ALK: variants seen among roughly 807,000 people sequenced by gnomAD.
The protein encoded by ALK is ALK receptor tyrosine kinase.
ALK carries 74 observed loss-of-function variants against 163.1 expected under a neutral mutation model. The ratio of observed to expected loss-of-function variants is 0.45; its 90% CI spans 0.38 to 0.55. The LOEUF is 0.55. Among genes scored for constraint, ALK ranks in the 20% least tolerant of loss-of-function variants. The probability of loss-of-function intolerance (pLI) is 0.00; values close to 1 mark genes in which losing one functional copy is unlikely to be tolerated. For synonymous variants in ALK, 960 were observed against 843.2 expected (o/e 1.14, Z -2.40); for missense variants, 2,063 against 2,105.3 (o/e 0.98, Z 0.39).
chr2:29,908,501 T>G (rs908571779), intron 1 of ALK, among the ~76,000 whole-genome samples: 1 of 152,366 alleles, frequency 6.6e-6, no homozygotes, highest in East Asian at 1.9e-4. Flanking sequence ...TACCTCCTTC[T>G]GGAAGTGTTT....
At chr2:29,284,828 G>T (rs374342307) in intron 9 of ALK, among the ~76,000 whole-genome samples, 3 of 152,128 alleles carry the variant, frequency 2.0e-5, no homozygotes, top group Admixed American at 2.0e-4. Flanking sequence ...TCAATGCCTG[G>T]TTGCACATCG....
chr2:29,370,690 A>T (rs1038212825), intron 5 of ALK, among the ~76,000 whole-genome samples: 2 of 152,216 alleles, frequency 1.3e-5, no homozygotes, highest in Admixed American at 6.5e-5. Context: ...TTGGCTGGCC[A>T]TGTGGCTGGC....
chr2:29,264,542 G>A (rs1264159319), intron 11 of ALK, among the ~76,000 whole-genome samples: 1 of 151,382 alleles, frequency 6.6e-6, no homozygotes, highest in Non-Finnish European at 1.5e-5. Flanking sequence ...TAAGAGTAGG[G>A]CTTGTCTGTT....
In ALK at chr2:29,735,690, G is replaced by T. The variant is rs1040552974; in HGVS notation, c.668-17993C>A. Among the ~76,000 whole-genome samples, 2 of 152,038 alleles carry T rather than the reference G, an allele frequency of 1.3e-5. 1 individual carries two copies. The highest frequency in any genetic ancestry group is 4.8e-5 in the African/African-American group (2 of 41,328). ...ATACGGCAGTTACCCCCATGCTGCT[G>T]TTCTCATGATAGCGAGTGAATTCTT... On this transcript the variant is annotated intron_variant, in intron 1 of 28. Transcript: ENST00000389048.
chr2:29,676,556 A>G (rs1677879182), intron 3 of ALK, among the ~76,000 whole-genome samples: 1 of 151,990 alleles, frequency 6.6e-6, no homozygotes, highest in Admixed American at 6.6e-5. Flanking sequence ...TGTCTTCATT[A>G]CTTTGGCTTT....
intron 4 of ALK, among the ~76,000 whole-genome samples, chr2:29,429,453 T>C (rs1171048012): frequency 1.3e-5 from 2 of 151,938 alleles, no homozygotes; most frequent in Non-Finnish European, 2.9e-5. Flanking sequence ...CAATGTACAA[T>C]TCAAAAATGA....
At chr2:29,217,164 GTA>G (rs1201980396) in intron 23 of ALK, among the ~76,000 whole-genome samples, 10 of 150,180 alleles carry the variant, frequency 6.7e-5, no homozygotes, top group East Asian at 4.0e-4. Context: ...TATGTGTTGT[GTA>G]TATGTCTGTG....
At chr2:29,247,182 G>A (rs1347450303) in intron 12 of ALK, among the ~76,000 whole-genome samples, 4 of 151,300 alleles carry the variant, frequency 2.6e-5, no homozygotes, top group African/African-American at 9.8e-5. Flanking sequence ...CCCGGCCTCC[G>A]CGGCAGCGCC....
intron 23 of ALK, among the ~76,000 whole-genome samples, chr2:29,219,224 TC>T (rs2148164835): frequency 6.6e-6 from 1 of 152,282 alleles, no homozygotes; most frequent in Non-Finnish European, 1.5e-5. Context: ...AGTCTTTATC[TC>T]CCTGCTCCCT....
At chr2:29,444,826 C>G (rs1422090918) in intron 4 of ALK, among the ~76,000 whole-genome samples, 1 of 152,178 alleles carries the variant, frequency 6.6e-6, no homozygotes, top group African/African-American at 2.4e-5. Context: ...CTGGAAGTCT[C>G]CTCTGCATCC....
intron 23 of ALK, among the ~76,000 whole-genome samples, chr2:29,216,612 C>T (rs924421075): frequency 3.3e-5 from 5 of 151,688 alleles, no homozygotes; most frequent in East Asian, 1.9e-4. Context: ...CTGGTGTGTA[C>T]GTGTCTGTGG....
At chr2:29,868,778 G>A (rs970123474) in intron 1 of ALK, among the ~76,000 whole-genome samples, 44 of 152,194 alleles carry the variant, frequency 2.9e-4, no homozygotes, top group Non-Finnish European at 5.6e-4. Context: ...CCATCAGGAG[G>A]TGGGGTTGAT....
chr2:29,726,938 G>T (rs147851536), intron 1 of ALK, among the ~76,000 whole-genome samples: 84 of 152,332 alleles, frequency 5.5e-4, no homozygotes, highest in African/African-American at 1.9e-3. Context: ...GACCAGCTAG[G>T]AATGCCACTC....
intron 1 of ALK, among the ~76,000 whole-genome samples, chr2:29,723,932 A>G (rs72851964): frequency 4.3e-4 from 66 of 152,316 alleles, no homozygotes; most frequent in African/African-American, 1.6e-3. Context: ...TTAATCATTA[A>G]CTTTGCCAAA....
chr2:29,441,442 C>T (rs1670542442), intron 4 of ALK, among the ~76,000 whole-genome samples: 1 of 152,160 alleles, frequency 6.6e-6, no homozygotes, highest in African/African-American at 2.4e-5. Flanking sequence ...ATGCAGGGGC[C>T]ATGAAGGCCT....
At chr2:29,597,458 T>C (rs115189158) in intron 3 of ALK, among the ~76,000 whole-genome samples, 2,147 of 152,288 alleles carry the variant, frequency 0.014, 52 homozygotes, top group African/African-American at 0.05. Flanking sequence ...CATGGAGTCC[T>C]CAGAAATTCC....
At chr2:29,339,030 G>T (rs1667711002) in intron 5 of ALK, among the ~76,000 whole-genome samples, 1 of 152,152 alleles carries the variant, frequency 6.6e-6, no homozygotes, top group Admixed American at 6.5e-5. Flanking sequence ...ATCACCTGAG[G>T]TGGGGAGTTC....
intron 1 of ALK, chr2:29,892,328 G>C (rs1667166249): frequency 6.6e-6 from 1 of 152,204 alleles, no homozygotes; most frequent in Non-Finnish European, 1.5e-5. Flanking sequence ...GCCTGAAGAA[G>C]AGCAGCAGCC....
intron 3 of ALK, among the ~76,000 whole-genome samples, chr2:29,621,859 G>A (rs191229693): frequency 5.7e-4 from 87 of 152,268 alleles, no homozygotes; most frequent in Admixed American, 2.2e-3. Context: ...TTTCCAGGGT[G>A]TTGAGAGGTT....
Sources: allele counts gnomAD v4.1 joint callset (sites outside exome capture counted in the v4.1 genomes callset), GRCh38; gene constraint gnomAD v4.1.1; transcripts MANE v1.5; gene names NCBI Gene and HGNC (gene_info 2026-07-23, HGNC 2026-07-21).